Variants in PRKG1 observed in about 807,000 individuals in gnomAD.
PRKG1 encodes protein kinase cGMP-dependent 1.
PRKG1 carries 35 observed loss-of-function variants against 88.1 expected under a neutral mutation model. The ratio of observed to expected loss-of-function variants is 0.40; its 90% CI spans 0.30 to 0.53. The LOEUF (loss-of-function observed/expected upper bound fraction) is 0.53, where lower values mean the gene tolerates loss of function less well. Ranked by LOEUF, PRKG1 falls within the 20% of genes least tolerant of loss-of-function variation. The pLI is 0.59. For missense variants in PRKG1, 540 were observed against 839.8 expected (o/e 0.64, Z 4.41); for synonymous variants, 303 against 292.5 (o/e 1.04, Z -0.37).
intron 3 of PRKG1, among the ~76,000 whole-genome samples, chr10:51,632,935 C>G (rs1424582150): frequency 2.6e-5 from 4 of 152,168 alleles, no homozygotes; most frequent in African/African-American, 9.7e-5. Context: ...ATTTTCCAAA[C>G]TCTTATCAGC....
At chr10:51,440,033 A>G (rs1588959793) in intron 2 of PRKG1, among the ~76,000 whole-genome samples, 1 of 152,050 alleles carries the variant, frequency 6.6e-6, no homozygotes, top group East Asian at 1.9e-4. Context: ...ACTTGAAACT[A>G]CCCAGGATAT....
chr10:51,343,744 G>T (rs1842051906), intron 2 of PRKG1, among the ~76,000 whole-genome samples: 1 of 152,088 alleles, frequency 6.6e-6, no homozygotes, highest in East Asian at 1.9e-4. Context: ...TTTAAGGTTG[G>T]CCCTCAATAA....
chr10:51,661,020 C>A (rs1840285310), intron 3 of PRKG1, among the ~76,000 whole-genome samples: 1 of 117,874 alleles, frequency 8.5e-6, no homozygotes, highest in South Asian at 3.5e-4. Context: ...ATTCTGTGAG[C>A]AGAGATTTTA....
intron 2 of PRKG1, among the ~76,000 whole-genome samples, chr10:51,170,169 T>C (rs933835829): frequency 2.0e-5 from 3 of 152,088 alleles, no homozygotes; most frequent in Non-Finnish European, 2.9e-5. Context: ...ATTTGTTAAT[T>C]CATGAAATGC....
intron 9 of PRKG1, among the ~76,000 whole-genome samples, chr10:52,233,314 A>T (rs981579895): frequency 6.6e-6 from 1 of 152,198 alleles, no homozygotes; most frequent in African/African-American, 2.4e-5. Flanking sequence ...GTTAAATGGC[A>T]TAAAGAATTG....
chr10:51,339,953 TA>T (rs1841967442), intron 2 of PRKG1, among the ~76,000 whole-genome samples: 1 of 152,126 alleles, frequency 6.6e-6, no homozygotes, highest in Non-Finnish European at 1.5e-5. Context: ...ATCACATTTT[TA>T]AGGCTTTTAT....
In PRKG1 at chr10:51,690,649, C is replaced by T. The variant is rs142318105; in HGVS notation, c.593-113936C>T. Among the ~76,000 whole-genome samples, 169 of 151,992 alleles carry T rather than the reference C, an allele frequency of 1.1e-3. 1 individual carries two copies. The highest frequency in any genetic ancestry group is 3.2e-3 in the African/African-American group (132 of 41,454). Reference sequence around the variant, plus strand: ...ATAAAGAAATTAAAGAATTTTGGGCCGGGCGCTGTGGCTCACACCTGTAAT... The same window carrying T: ...ATAAAGAAATTAAAGAATTTTGGGCTGGGCGCTGTGGCTCACACCTGTAAT... On this transcript the variant is annotated intron_variant, in intron 3 of 17. Transcript: ENST00000373980.
chr10:51,657,828 C>T (rs61851530), intron 3 of PRKG1, among the ~76,000 whole-genome samples: 201 of 152,196 alleles, frequency 1.3e-3, no homozygotes, highest in Non-Finnish European at 2.2e-3. Flanking sequence ...ATTTAGCAGA[C>T]GGGACTGTTC....
chr10:51,212,814 A>G (rs1838260045), intron 2 of PRKG1, among the ~76,000 whole-genome samples: 1 of 152,220 alleles, frequency 6.6e-6, no homozygotes, highest in African/African-American at 2.4e-5. Flanking sequence ...AAGTCAGGAA[A>G]CAACAGGTGC....
At chr10:51,020,368 G>A (rs902453823) in intron 1 of PRKG1, among the ~76,000 whole-genome samples, 7 of 152,174 alleles carry the variant, frequency 4.6e-5, no homozygotes, top group Admixed American at 2.0e-4. Context: ...TCTAAGAGAC[G>A]TGTACTATAA....
intron 9 of PRKG1, among the ~76,000 whole-genome samples, chr10:52,226,635 C>G (rs1194521): frequency 0.94 from 143,253 of 152,130 alleles, 68,012 homozygotes; most frequent in East Asian, 1. Flanking sequence ...ATCCTCAGGG[C>G]TGTGAGTCAT....
At chr10:52,180,454 G>C (rs1838987436) in intron 9 of PRKG1, among the ~76,000 whole-genome samples, 1 of 152,156 alleles carries the variant, frequency 6.6e-6, no homozygotes, top group African/African-American at 2.4e-5. Context: ...TCATGTGTTT[G>C]ATGTGTCCCA....
chr10:51,073,792 C>G (rs1843873533), upstream of PRKG1, among the ~76,000 whole-genome samples: 1 of 152,170 alleles, frequency 6.6e-6, no homozygotes, highest in Non-Finnish European at 1.5e-5. Context: ...CGGGCGCCGA[C>G]TCGCTCGCAT....
chr10:51,127,544 G>T (rs1306796989), intron 1 of PRKG1, among the ~76,000 whole-genome samples: 2 of 152,166 alleles, frequency 1.3e-5, no homozygotes, highest in African/African-American at 4.8e-5. Context: ...GTGGAAGACT[G>T]TGTGGTGATT....
At chr10:51,088,415 A>G (rs1246867272) in intron 1 of PRKG1, among the ~76,000 whole-genome samples, 1 of 148,732 alleles carries the variant, frequency 6.7e-6, no homozygotes, top group African/African-American at 2.5e-5. Context: ...TTTTGGTTCA[A>G]TCATTTACCA....
intron 2 of PRKG1, among the ~76,000 whole-genome samples, chr10:51,328,374 A>G (rs1841646833): frequency 6.6e-6 from 1 of 152,152 alleles, no homozygotes; most frequent in Non-Finnish European, 1.5e-5. Flanking sequence ...GTATCCATTC[A>G]TCCACTGATG....
At chr10:52,170,077 C>A (rs1332339892) in intron 9 of PRKG1, among the ~76,000 whole-genome samples, 1 of 151,992 alleles carries the variant, frequency 6.6e-6, no homozygotes, top group Non-Finnish European at 1.5e-5. Flanking sequence ...CTCTAAAGAA[C>A]CTATAAAAAT....
intron 2 of PRKG1, among the ~76,000 whole-genome samples, chr10:51,428,173 T>C (rs571784053): frequency 2.6e-5 from 4 of 152,350 alleles, no homozygotes; most frequent in Non-Finnish European, 4.4e-5. Flanking sequence ...CTGTTTTCCA[T>C]GCATCCTCGT....
intron 5 of PRKG1, among the ~76,000 whole-genome samples, chr10:51,919,677 T>A (rs199498927): frequency 9.6e-6 from 1 of 103,998 alleles, no homozygotes. Context: ...GCCCCCCACC[T>A]TTTTTTTTTA....
Sources: gnomAD v4.1 joint callset for allele counts (sites outside exome capture counted in the v4.1 genomes callset) on GRCh38, gnomAD v4.1.1 for gene constraint, MANE v1.5 for transcripts, NCBI Gene and HGNC (gene_info 2026-07-23, HGNC 2026-07-21) for gene names.